Variants in ATF7IP observed in about 807,000 individuals in gnomAD.
ATF7IP encodes activating transcription factor 7 interacting protein.
Under a neutral mutation model 106.4 loss-of-function variants are expected in ATF7IP, and 23 were observed. That is an observed-to-expected ratio of 0.22 (90% CI 0.16 to 0.31). The LOEUF (loss-of-function observed/expected upper bound fraction) is 0.31. ATF7IP is among the 10% of genes least tolerant of loss of function. ATF7IP has a pLI of 1.00. For synonymous variants in ATF7IP, 542 were observed against 539.0 expected (o/e 1.01, Z -0.08); for missense variants, 1,334 against 1,524.3 (o/e 0.88, Z 2.08).
chr12:14,487,794 C>T (rs990625264), intron 13 of ATF7IP, among the ~76,000 whole-genome samples: 3 of 152,138 alleles, frequency 2.0e-5, no homozygotes, highest in Non-Finnish European at 4.4e-5. Context: ...GAGACAGAAT[C>T]CCTGAGTTCA....
Position 14,431,953 on chromosome 12 carries a change from C to T in ATF7IP, c.1559-2384C>T, listed in dbSNP as rs187576391. Among the ~76,000 whole-genome samples the T allele has an allele frequency of 5.8e-4, 89 of 152,296 alleles. 1 individual carries two copies. Among genetic ancestry groups the T allele is most frequent in the Admixed American group, 4.8e-3 (74 of 15,296 alleles). Reference sequence around the variant, plus strand: ...TTTCCGTTACAAAAAACTCTAGCAACTCTATTTTAATTCTGTGAATTCTGA... The same window carrying T: ...TTTCCGTTACAAAAAACTCTAGCAATTCTATTTTAATTCTGTGAATTCTGA... On this transcript the variant is annotated intron_variant, in intron 2 of 14. Coordinates refer to ENST00000261168, the MANE Select transcript of ATF7IP (RefSeq NM_018179.5).
intron 1 of ATF7IP, among the ~76,000 whole-genome samples, chr12:14,413,379 G>T (rs1392336057): frequency 6.6e-6 from 1 of 152,142 alleles, no homozygotes; most frequent in East Asian, 1.9e-4. Flanking sequence ...CTACTCTCAG[G>T]TCTCATTTAC....
At chr12:14,392,851 CAATT>C (rs1336669560) in intron 1 of ATF7IP, among the ~76,000 whole-genome samples, 2 of 152,154 alleles carry the variant, frequency 1.3e-5, no homozygotes, top group Non-Finnish European at 2.9e-5. Context: ...TGAGTCAAAA[CAATT>C]AAAACTCATA....
intron 8 of ATF7IP, among the ~76,000 whole-genome samples, chr12:14,459,338 C>T (rs1943552703): frequency 1.3e-5 from 2 of 152,062 alleles, no homozygotes; most frequent in Admixed American, 1.3e-4. Context: ...TATGTACTGC[C>T]TATTTCTTCA....
At chr12:14,440,981 A>G (rs1942667240) in intron 5 of ATF7IP, among the ~76,000 whole-genome samples, 2 of 152,194 alleles carry the variant, frequency 1.3e-5, no homozygotes, top group African/African-American at 4.8e-5. Flanking sequence ...ACGTTCATCC[A>G]TTGAATGGCA....
intron 4 of ATF7IP, among the ~76,000 whole-genome samples, chr12:14,437,324 CACT>C (rs1166542691): frequency 6.6e-6 from 1 of 152,114 alleles, no homozygotes; most frequent in Admixed American, 6.6e-5. Context: ...TACATATTTG[CACT>C]TTGTAGAAAA....
chr12:14,441,844 T>C (rs1246205551), intron 5 of ATF7IP, among the ~76,000 whole-genome samples: 1 of 152,148 alleles, frequency 6.6e-6, no homozygotes, highest in Non-Finnish European at 1.5e-5. Flanking sequence ...ATTAGATACA[T>C]GATTGCAAAT....
At chr12:14,456,428 G>A (rs1437027283) in intron 6 of ATF7IP, 133 bp from the exon 7 acceptor site, 1 of 589,788 alleles carries the variant, frequency 1.7e-6, no homozygotes, top group East Asian at 2.8e-5. Flanking sequence ...TATTGTCTCA[G>A]CTGGCAATGT....
chr12:14,396,629 CAGT>C lies in ATF7IP; in HGVS notation c.-7-27277_-7-27275del, dbSNP rs1438777758. On this transcript the variant is annotated intron_variant, in intron 1 of 14. Transcript: ENST00000261168. ...GTGTGGAAGACATACACATCTGAAA[CAGT>C]AGGAAAAAGTTTTTCAAACTTCTCT... Among the ~76,000 whole-genome samples the C allele has an allele frequency of 3.9e-5, 6 of 152,084 alleles. No homozygotes were observed. The South Asian group carries it at 1.3e-3, about 32-fold the overall frequency.
intron 10 of ATF7IP, among the ~76,000 whole-genome samples, chr12:14,472,441 G>A (rs1276338683): frequency 6.6e-6 from 1 of 152,110 alleles, no homozygotes; most frequent in Admixed American, 6.6e-5. Context: ...GTTTGACCTT[G>A]TAGTTGCTAT....
intron 1 of ATF7IP, among the ~76,000 whole-genome samples, chr12:14,415,692 T>TC (rs1388356221): frequency 0.013 from 2 of 156 alleles, no homozygotes; most frequent in African/African-American, 0.023. Flanking sequence ...CCACTTACTG[T>TC]TTTTTTTTTT....
intron 5 of ATF7IP, among the ~76,000 whole-genome samples, chr12:14,445,867 A>C (rs957916734): frequency 6.6e-6 from 1 of 152,226 alleles, no homozygotes; most frequent in African/African-American, 2.4e-5. Context: ...AATTTTCTTG[A>C]AAATATGTTT....
chr12:14,413,249 T>C (rs1941022059), intron 1 of ATF7IP, among the ~76,000 whole-genome samples: 1 of 152,202 alleles, frequency 6.6e-6, no homozygotes, highest in East Asian at 1.9e-4. Context: ...GAGTGAATTC[T>C]GCTCTTAATT....
intron 9 of ATF7IP, among the ~76,000 whole-genome samples, chr12:14,464,246 A>G (rs1356341711): frequency 6.6e-6 from 1 of 152,096 alleles, no homozygotes; most frequent in East Asian, 1.9e-4. Flanking sequence ...GATTGCTTGA[A>G]CCCAGGAGGT....
rs1480318044 is a variant in ATF7IP at position 14,500,985 on chromosome 12, AGCC to A, written c.*2913_*2915del. On this transcript the variant is annotated 3_prime_UTR_variant, in exon 15 of 15. Transcript: ENST00000261168. ...TATTATAAGATGGTGTCCTCAAATT[AGCC>A]TACCATGGCACGTAGGGGCAGCAGC... The A allele has an allele frequency of 1.3e-5, 2 of 152,338 alleles. No homozygotes were observed. Among genetic ancestry groups the A allele is most frequent in the Non-Finnish European group, 2.9e-5 (2 of 68,008 alleles). 9.4% of individuals were successfully genotyped at this position (152,338 alleles called of 1,614,324 possible). A position where few individuals can be genotyped will look rare whatever the true frequency, so the allele number is the denominator to read the frequency against.
At chr12:14,393,080 T>G (rs1382241056) in intron 1 of ATF7IP, among the ~76,000 whole-genome samples, 3 of 152,200 alleles carry the variant, frequency 2.0e-5, no homozygotes, top group Non-Finnish European at 4.4e-5. Flanking sequence ...CACTGTCAAG[T>G]AATTAGCTTA....
At chr12:14,456,327 A>G (rs756487175) in intron 6 of ATF7IP, among the ~76,000 whole-genome samples, 67 of 152,222 alleles carry the variant, frequency 4.4e-4, no homozygotes, top group Non-Finnish European at 6.8e-4. Flanking sequence ...GAATTATTAT[A>G]TTAATCTCTC....
At chr12:14,486,318 A>T (rs1944610111) in intron 13 of ATF7IP, among the ~76,000 whole-genome samples, 2 of 152,114 alleles carry the variant, frequency 1.3e-5, no homozygotes, top group Admixed American at 1.3e-4. Flanking sequence ...TAGTCCCTGA[A>T]ATGTCTGGTC....
chr12:14,398,487 G>C (rs1323859096), intron 1 of ATF7IP, among the ~76,000 whole-genome samples: 1 of 101,022 alleles, frequency 9.9e-6, no homozygotes, highest in African/African-American at 3.7e-5. Flanking sequence ...TTTTTTTTTT[G>C]TCTTTGAGTT....
Sources: allele counts gnomAD v4.1 joint callset (sites outside exome capture counted in the v4.1 genomes callset), GRCh38; gene constraint gnomAD v4.1.1; transcripts MANE v1.5; gene names NCBI Gene and HGNC (gene_info 2026-07-23, HGNC 2026-07-21).